Variants in MAP7D2 observed in about 807,000 individuals in gnomAD.
MAP7D2 encodes the protein MAP7 domain containing 2.
MAP7D2 carries 33 observed loss-of-function variants against 63.5 expected under a neutral mutation model. The observed-to-expected ratio is 0.52, with a 90% CI of 0.39 to 0.70. The LOEUF is 0.70. Ranked by LOEUF, MAP7D2 falls within the 30% of genes least tolerant of loss-of-function variation. MAP7D2 has a pLI of 0.00. For synonymous variants in MAP7D2, 224 were observed against 223.7 expected (o/e 1.00, Z -0.01); for missense variants, 626 against 604.0 (o/e 1.04, Z -0.38).
intron 10 of MAP7D2, among the ~76,000 whole-genome samples, chrX:20,022,186 A>G (rs1366078672): frequency 8.9e-6 from 1 of 111,750 alleles, no homozygotes; most frequent in African/African-American, 3.3e-5. Flanking sequence ...AGGAAGGAGC[A>G]CAAGTCCACG....
chrX:20,108,535 G>A (rs748151549), intron 1 of MAP7D2, among the ~76,000 whole-genome samples: 4 of 109,877 alleles, frequency 3.6e-5, no homozygotes, highest in Non-Finnish European at 7.6e-5. Flanking sequence ...GCACCCCACC[G>A]AGGGCATGCA....
intron 1 of MAP7D2, among the ~76,000 whole-genome samples, chrX:20,068,239 T>C (rs968588918): frequency 8.9e-6 from 1 of 112,044 alleles, no homozygotes; most frequent in Middle Eastern, 4.2e-3. Context: ...TTCAGTTCTT[T>C]AGTCACACTG....
intron 14 of MAP7D2, 145 bp downstream of exon 14, chrX:20,012,909 G>T (rs1022141774): frequency 7.9e-5 from 40 of 505,883 alleles, no homozygotes; most frequent in Non-Finnish European, 1.2e-4. Context: ...CCCTGTGCTG[G>T]AGACACATTC....
intron 3 of MAP7D2, among the ~76,000 whole-genome samples, chrX:20,060,428 GAGAGAGAAAGAAAGAA>G (rs1190430642): frequency 0.021 from 1,664 of 80,658 alleles, 25 homozygotes; most frequent in African/African-American, 0.039. Context: ...GAGAGAGAGA[GAGAGAGAAAGAAAGAA>G]AGAAAGAAAG....
At chrX:20,068,672 G>A (rs867757607) in intron 1 of MAP7D2, among the ~76,000 whole-genome samples, 2 of 111,764 alleles carry the variant, frequency 1.8e-5, no homozygotes, top group Non-Finnish European at 3.8e-5. Context: ...AGGAATTGAG[G>A]TAGATTACTG....
chrX:20,065,642 T>C (rs2065338781), intron 1 of MAP7D2, among the ~76,000 whole-genome samples: 1 of 111,396 alleles, frequency 9.0e-6, no homozygotes, highest in African/African-American at 3.3e-5. Flanking sequence ...TCAATTTTGG[T>C]TCTGCCAAGT....
intron 1 of MAP7D2, among the ~76,000 whole-genome samples, chrX:20,116,158 C>T (rs914220041): frequency 1.9e-4 from 21 of 113,081 alleles, no homozygotes; most frequent in Admixed American, 6.5e-4. Context: ...GCCACCTGAG[C>T]AGCGTTCCCA....
At chrX:20,084,224 G>A (rs2065849687) in intron 1 of MAP7D2, among the ~76,000 whole-genome samples, 1 of 105,939 alleles carries the variant, frequency 9.4e-6, no homozygotes. Context: ...GAATCATCCA[G>A]CCCCAAAAGT....
At position 20,052,522 on chromosome X, in the gene MAP7D2, A is replaced by G. The variant is rs900231318; in HGVS notation, c.595+356T>C. 9 of 236,641 alleles carry G rather than the reference A, an allele frequency of 3.8e-5. No homozygotes were observed. The Admixed American group carries it at 5.0e-4, about 13-fold the overall frequency. 19.5% of individuals were successfully genotyped at this position (236,641 alleles called of 1,213,427 possible). On this transcript the variant is annotated intron_variant, in intron 5 of 16. Coordinates refer to ENST00000379643, the MANE Select transcript of MAP7D2 (RefSeq NM_001168465.2). ...CAATTCTGCTCTTTCTGGCTAATCA[A>G]CTGTATTCCATCATTGACCAGGCAG...
In MAP7D2 at chrX:20,115,730, C is replaced by A. The variant is rs924948028; in HGVS notation, c.130+1020G>T. On this transcript the variant is annotated intron_variant, in intron 1 of 16. Coordinates refer to ENST00000379643, the MANE Select transcript of MAP7D2 (RefSeq NM_001168465.2). Reference sequence around the variant, plus strand: ...GAAAAAGCGTGTTTTAAGAAGATTTCTCTTGATTTCTTTCCTTTTCTTGGC... The same window carrying A: ...GAAAAAGCGTGTTTTAAGAAGATTTATCTTGATTTCTTTCCTTTTCTTGGC... 1.1e-4 allele frequency among the ~76,000 whole-genome samples: 12 copies of A among 111,695 alleles called. 1 individual carries two copies. The highest frequency in any genetic ancestry group is 3.9e-4 in the African/African-American group (12 of 30,720).
In MAP7D2 at chrX:20,050,805, C is replaced by T; in HGVS notation, c.718+19G>A. On this transcript the variant is annotated intron_variant, in intron 6 of 16. Transcript: ENST00000379643. ...TCTTCGGGCATTTTCCTTGGTGTTA[C>T]CAGCTTAGCCTCTTTTACCTGAATC... 8 of 1,164,378 alleles carry T rather than the reference C, an allele frequency of 6.9e-6. No homozygotes were observed. Among genetic ancestry groups the T allele is most frequent in the Non-Finnish European group, 8.0e-6 (7 of 873,721 alleles).
intron 1 of MAP7D2, among the ~76,000 whole-genome samples, chrX:20,080,737 C>T (rs2065757672): frequency 9.0e-6 from 1 of 111,346 alleles, no homozygotes; most frequent in Non-Finnish European, 1.9e-5. Flanking sequence ...CCATGGAGAT[C>T]GCGCCCACTC....
chrX:20,012,558 T>C (rs1031731474), intron 14 of MAP7D2, 23 bp from the exon 15 acceptor site: 4 of 1,115,221 alleles, frequency 3.6e-6, no homozygotes, highest in East Asian at 3.1e-5. Context: ...ACAAAGTCCC[T>C]TGTGTTAATC....
intron 6 of MAP7D2, among the ~76,000 whole-genome samples, chrX:20,045,766 C>G (rs955220415): frequency 9.1e-5 from 10 of 110,376 alleles, no homozygotes; most frequent in African/African-American, 2.6e-4. Context: ...ACTTGTGATG[C>G]CTGGGTGGCT....
chrX:20,018,133 AT>A (rs1343661925), intron 10 of MAP7D2, among the ~76,000 whole-genome samples: 2 of 109,499 alleles, frequency 1.8e-5, no homozygotes, highest in Non-Finnish European at 3.8e-5. Context: ...TGTCTGGCTA[AT>A]TTTGTATTTT....
intron 16 of MAP7D2, among the ~76,000 whole-genome samples, chrX:20,009,663 CAAAAAAAAAAAA>C (rs35018861): frequency 8.5e-4 from 15 of 17,733 alleles, no homozygotes; most frequent in African/African-American, 2.5e-3. Context: ...GATTCCATCT[CAAAAAAAAAAAA>C]AAAAAAAAAA....
chrX:20,051,556 C>CAAAAAAAAAA (rs199664149), intron 5 of MAP7D2, among the ~76,000 whole-genome samples: 1 of 102,519 alleles, frequency 9.8e-6, no homozygotes. Context: ...AAAAAAAAAA[C>CAAAAAAAAAA]AAACAAAAAA....
At chrX:20,093,912 GAAAGA>G (rs1314587921) in intron 1 of MAP7D2, among the ~76,000 whole-genome samples, 1 of 110,638 alleles carries the variant, frequency 9.0e-6, no homozygotes, top group Non-Finnish European at 1.9e-5. Flanking sequence ...ATTAAAAAAA[GAAAGA>G]AAAGAAAACT....
At chrX:20,032,412 A>C (rs777516442) in intron 8 of MAP7D2, among the ~76,000 whole-genome samples, 2 of 110,734 alleles carry the variant, frequency 1.8e-5, no homozygotes, top group Admixed American at 9.6e-5. Context: ...TCTCCCAGAG[A>C]AGCTTATGGG....
Sources: gnomAD v4.1 joint callset for allele counts (sites outside exome capture counted in the v4.1 genomes callset) on GRCh38, gnomAD v4.1.1 for gene constraint, MANE v1.5 for transcripts, NCBI Gene and HGNC (gene_info 2026-07-23, HGNC 2026-07-21) for gene names.